Variants in NFILZ observed in about 807,000 individuals in gnomAD.
NFILZ encodes NFIL3 like basic leucine zipper, also known as NFIL3 like protein.
At chr19:8,668,573 G>A (rs1158979272) in intron 3 of NFILZ, among the ~76,000 whole-genome samples, 6 of 152,086 alleles carry the variant, frequency 3.9e-5, no homozygotes, top group African/African-American at 1.4e-4. Flanking sequence ...TTCTAGTTGG[G>A]GAGTTTGTGG....
rs189265030 is a variant in NFILZ at position 8,655,989 on chromosome 19, A to G, written c.-163-18562A>G. ...TGTCCCTGTCTCTGCTGCCCCATCC[A>G]AGCCCTGCTCTCAGGGTGGGGAGAA... On this transcript the variant is annotated intron_variant, in intron 3 of 5. Coordinates refer to ENST00000691075, the MANE Select transcript of NFILZ (RefSeq NM_001378600.1). Among the ~76,000 whole-genome samples the G allele has an allele frequency of 1.8e-3, 271 of 151,144 alleles. 1 individual carries two copies. The highest frequency in any genetic ancestry group is 6.0e-3 in the African/African-American group (245 of 41,168).
intron 3 of NFILZ, among the ~76,000 whole-genome samples, chr19:8,670,531 A>G (rs1555750196): frequency 1.3e-5 from 2 of 152,250 alleles, no homozygotes; most frequent in African/African-American, 4.8e-5. Flanking sequence ...AGCAGATGAA[A>G]TAATACTCAA....
At chr19:8,655,765 C>T (rs116779886) in intron 3 of NFILZ, among the ~76,000 whole-genome samples, 68 of 152,228 alleles carry the variant, frequency 4.5e-4, no homozygotes, top group African/African-American at 1.6e-3. Context: ...TCCACCCTCT[C>T]AACTCTGTCC....
At chr19:8,667,707 G>A (rs2043068688) in intron 3 of NFILZ, among the ~76,000 whole-genome samples, 1 of 151,828 alleles carries the variant, frequency 6.6e-6, no homozygotes, top group Non-Finnish European at 1.5e-5. Context: ...ACCACTACCC[G>A]GCTAATTTTT....
At chr19:8,662,450 C>T (rs1280543954) in intron 3 of NFILZ, among the ~76,000 whole-genome samples, 19 of 151,944 alleles carry the variant, frequency 1.3e-4, no homozygotes, top group African/African-American at 4.3e-4. Flanking sequence ...GCAGAGGGAA[C>T]AGCCTGTGCA....
At chr19:8,668,300 T>TTTTTTTCGTTGTCTTGTTA (rs1429529351) in intron 3 of NFILZ, among the ~76,000 whole-genome samples, 1 of 152,200 alleles carries the variant, frequency 6.6e-6, no homozygotes, top group Non-Finnish European at 1.5e-5. Context: ...TGTCTTGTTA[T>TTTTTTTCGTTGTCTTGTTA]TTTTTTCAAA....
At chr19:8,655,321 T>G (rs1468669637) in intron 3 of NFILZ, among the ~76,000 whole-genome samples, 2 of 152,168 alleles carry the variant, frequency 1.3e-5, no homozygotes, top group Admixed American at 1.3e-4. Context: ...AGACTTTAGC[T>G]GTGGCCAGCT....
In NFILZ at chr19:8,681,044, A is replaced by G. The variant is rs991468490; in HGVS notation, c.*3409A>G. Among the ~76,000 whole-genome samples, 2 of 151,838 alleles carry G rather than the reference A, an allele frequency of 1.3e-5. No homozygotes were observed. The highest frequency in any genetic ancestry group is 6.6e-5 in the Admixed American group (1 of 15,224). On this transcript the variant is annotated 3_prime_UTR_variant, in exon 6 of 6. Coordinates refer to ENST00000691075, the MANE Select transcript of NFILZ (RefSeq NM_001378600.1). Reference sequence around the variant, plus strand: ...GACTTTGGCTTCCTTTCTGAGTGATATGGGCATGAGGGGGACGTTTCCAAG... The same window carrying G: ...GACTTTGGCTTCCTTTCTGAGTGATGTGGGCATGAGGGGGACGTTTCCAAG...
intron 3 of NFILZ, among the ~76,000 whole-genome samples, chr19:8,650,719 G>A (rs1437745501): frequency 6.6e-6 from 1 of 151,470 alleles, no homozygotes; most frequent in Non-Finnish European, 1.5e-5. Context: ...AAAAAGATCA[G>A]GACATTGATG....
rs1178371947 is a variant in NFILZ, at chr19:8,667,951, TA to T, written c.-163-6599del. Among the ~76,000 whole-genome samples, 9 of 152,172 alleles carry T rather than the reference TA, an allele frequency of 5.9e-5. No individual in the cohort carries two copies. In the East Asian group the frequency reaches 1.7e-3, roughly 29 times the overall value. On this transcript the variant is annotated intron_variant, in intron 3 of 5. Coordinates refer to ENST00000691075, the MANE Select transcript of NFILZ (RefSeq NM_001378600.1). ...ATATATGTATTTTTTATTTTATTTT[TA>T]TTTATTTATTTATTTTTTGAGACAG...
At chr19:8,653,057 T>C (rs1428312236) in intron 3 of NFILZ, among the ~76,000 whole-genome samples, 9 of 129,522 alleles carry the variant, frequency 6.9e-5, no homozygotes, top group African/African-American at 1.5e-4. Flanking sequence ...TCTCTCTCTC[T>C]CTCTCTCTCT....
intron 3 of NFILZ, among the ~76,000 whole-genome samples, chr19:8,639,000 G>T (rs1294621929): frequency 6.6e-6 from 1 of 151,846 alleles, no homozygotes; most frequent in Non-Finnish European, 1.5e-5. Context: ...ACACCACCAT[G>T]CCCAGCTAAT....
intron 3 of NFILZ, among the ~76,000 whole-genome samples, chr19:8,665,432 C>G (rs1482544311): frequency 6.6e-6 from 1 of 152,126 alleles, no homozygotes; most frequent in African/African-American, 2.4e-5. Context: ...AAGCCTGGAG[C>G]AGTGACCCAG....
At position 8,631,813 on chromosome 19, in the gene NFILZ, C is replaced by T. The variant is rs1380079671; in HGVS notation, c.-410-663C>T. 2.0e-5 allele frequency among the ~76,000 whole-genome samples: 3 copies of T among 150,550 alleles called. No homozygotes were observed. The Admixed American group carries it at 2.0e-4, about 10-fold the overall frequency. ...GTGATGGGGACCCTGGGGGCTTGGT[C>T]ACTCCAGTCCTCGCTTTTGTGTGTG... On this transcript the variant is annotated intron_variant, in intron 1 of 5. Coordinates refer to ENST00000691075, the MANE Select transcript of NFILZ (RefSeq NM_001378600.1).
chr19:8,637,957 C>G (rs150130699), intron 3 of NFILZ, among the ~76,000 whole-genome samples: 1 of 54,752 alleles, frequency 1.8e-5, no homozygotes, highest in African/African-American at 6.2e-5. Flanking sequence ...AAAAGAAAAA[C>G]AAAAAGCCTC....
At chr19:8,637,612 C>CAA (rs35527793) in intron 3 of NFILZ, among the ~76,000 whole-genome samples, 3,670 of 142,626 alleles carry the variant, frequency 0.026, 59 homozygotes, top group Non-Finnish European at 0.034. Context: ...GACTCCATCT[C>CAA]AAAAAAAAAA....
Position 8,678,198 on chromosome 19 carries a change from TATCC to T in NFILZ, c.*574_*577del, listed in dbSNP as rs1306864408. The stretch of plus-strand genomic sequence containing the variant: ...CCATCCATCCATCCATCCGTCCATC[TATCC>T]ATCCATCCATTCATCCATCCGTCCA... On this transcript the variant is annotated 3_prime_UTR_variant, in exon 6 of 6. Transcript: ENST00000691075. Among the ~76,000 whole-genome samples the T allele has an allele frequency of 2.5e-4, 5 of 20,408 alleles. No homozygotes were observed. Among genetic ancestry groups the T allele is most frequent in the African/African-American group, 1.1e-3 (5 of 4,678 alleles). 13.4% of individuals were successfully genotyped at this position (20,408 alleles called of 152,430 possible).
chr19:8,641,704 C>T lies in NFILZ; in HGVS notation c.-164+5958C>T, dbSNP rs139441600. Among the ~76,000 whole-genome samples, 268 of 152,326 alleles carry T rather than the reference C, an allele frequency of 1.8e-3. 3 individuals carry two copies. The highest frequency in any genetic ancestry group is 6.3e-3 in the African/African-American group (261 of 41,578). On this transcript the variant is annotated intron_variant, in intron 3 of 5. Transcript: ENST00000691075. ...TCCCTTACCAGCTGAGATGTCTTCT[C>T]TCTGTGCCTCAGTTTCCCTATCTGC...
At chr19:8,653,783 G>A (rs1275378079) in intron 3 of NFILZ, among the ~76,000 whole-genome samples, 2 of 152,182 alleles carry the variant, frequency 1.3e-5, no homozygotes, top group Admixed American at 6.5e-5. Context: ...GGATGCAAAC[G>A]CATAGAATGG....
Sources: allele counts gnomAD v4.1 joint callset (sites outside exome capture counted in the v4.1 genomes callset), GRCh38; gene constraint gnomAD v4.1.1; transcripts MANE v1.5; gene names NCBI Gene and HGNC (gene_info 2026-07-23, HGNC 2026-07-21).